Variants in ADAMTS18 observed in about 807,000 individuals in gnomAD.
ADAMTS18 encodes the protein A disintegrin and metalloproteinase with thrombospondin motifs 18.
ADAMTS18 carries 157 observed loss-of-function variants against 165.9 expected under a neutral mutation model. That is an observed-to-expected ratio of 0.95 (90% confidence interval 0.83 to 1.08). The LOEUF is 1.08. Ranked by LOEUF, ADAMTS18 falls within the 50% of genes least tolerant of loss-of-function variation. ADAMTS18 has a pLI of 0.00. For missense variants in ADAMTS18, 2,040 were observed against 1,534.0 expected (o/e 1.33, Z -5.51); for synonymous variants, 782 against 578.2 (o/e 1.35, Z -5.06).
At chr16:77,429,714 G>T (rs574722674) in intron 3 of ADAMTS18, among the ~76,000 whole-genome samples, 2 of 152,274 alleles carry the variant, frequency 1.3e-5, no homozygotes, top group African/African-American at 4.8e-5. Flanking sequence ...CAATTGATAA[G>T]ATTTCCCATC....
chr16:77,426,779 T>C (rs2057678414), intron 3 of ADAMTS18, among the ~76,000 whole-genome samples: 1 of 152,136 alleles, frequency 6.6e-6, no homozygotes, highest in South Asian at 2.1e-4. Flanking sequence ...TCCCAGCACT[T>C]TGGGAGGCTG....
At chr16:77,418,056 C>T (rs2057553062) in intron 3 of ADAMTS18, among the ~76,000 whole-genome samples, 1 of 152,168 alleles carries the variant, frequency 6.6e-6, no homozygotes, top group Admixed American at 6.5e-5. Flanking sequence ...ATTATAAATA[C>T]ATCTCTGTTT....
At chr16:77,325,825 C>T in intron 13 of ADAMTS18, 41 bp downstream of exon 13, 1 of 1,570,974 alleles carries the variant, frequency 6.4e-7, no homozygotes, top group Non-Finnish European at 8.7e-7. Flanking sequence ...ACATTATTAT[C>T]CACATAGAGA....
At chr16:77,379,458 G>A (rs900971225) in intron 3 of ADAMTS18, among the ~76,000 whole-genome samples, 2 of 152,116 alleles carry the variant, frequency 1.3e-5, no homozygotes, top group African/African-American at 4.8e-5. Context: ...GACTAGAGGT[G>A]TCACCTTATA....
Position 77,335,807 on chromosome 16 carries a change from C to T in ADAMTS18, c.1808G>A (p.Arg603Gln), listed in dbSNP as rs773401732. ...GAACTTGACTCCTCCACCACATGTC[C>T]GGGAACATTCTGACCACTTCGACCA... Reference protein sequence around the residue: ...SAWSKWSECSRTCGGGVKFQE... With the variant: ...SAWSKWSECSQTCGGGVKFQE... Residue 603 changes from arginine to glutamine, a missense_variant, in exon 12 of 23, where the codon CGG (arginine) becomes CAG (glutamine). Transcript: ENST00000282849. The T allele has an allele frequency of 2.7e-5, 43 of 1,614,062 alleles. No individual in the cohort carries two copies. The Middle Eastern group carries it at 4.9e-4, about 19-fold the overall frequency.
intron 3 of ADAMTS18, among the ~76,000 whole-genome samples, chr16:77,421,588 A>G (rs1325915733): frequency 3.3e-5 from 5 of 152,240 alleles, no homozygotes; most frequent in Admixed American, 2.6e-4. Context: ...CCCTAGGCTC[A>G]TGGAAAACAA....
rs574501397 is a variant in ADAMTS18 at position 77,306,920 on chromosome 16, G to T, written c.2533-6516C>A. Among the ~76,000 whole-genome samples the T allele has an allele frequency of 2.2e-4, 34 of 152,142 alleles. No individual in the cohort carries two copies. In the South Asian group the frequency reaches 7.1e-3, roughly 32 times the overall value. On this transcript the variant is annotated intron_variant, in intron 16 of 22. Transcript: ENST00000282849. ...CTCACATCTTCACTCTCACAACATT[G>T]CCTCTCAAGCTTTGAAACACCAAGC...
chr16:77,365,483 A>T (rs557832082), intron 4 of ADAMTS18, among the ~76,000 whole-genome samples: 1 of 152,356 alleles, frequency 6.6e-6, no homozygotes, highest in East Asian at 1.9e-4. Flanking sequence ...TGATGTGACA[A>T]TGACTTAGTT....
intron 3 of ADAMTS18, among the ~76,000 whole-genome samples, chr16:77,381,813 TA>T (rs1385130454): frequency 1.3e-5 from 2 of 151,850 alleles, no homozygotes; most frequent in East Asian, 3.9e-4. Flanking sequence ...AAAAAATAAA[TA>T]ATAAATAAAC....
chr16:77,369,979 A>T (rs1315424058), intron 3 of ADAMTS18, among the ~76,000 whole-genome samples: 2 of 152,230 alleles, frequency 1.3e-5, no homozygotes, highest in Non-Finnish European at 1.5e-5. Flanking sequence ...ATCAACAACG[A>T]AAAACATAAT....
intron 3 of ADAMTS18, among the ~76,000 whole-genome samples, chr16:77,418,658 GT>G (rs33997119): frequency 0.17 from 26,393 of 152,158 alleles, 2,648 homozygotes; most frequent in Non-Finnish European, 0.23. Flanking sequence ...ATTTTAAATA[GT>G]GAATATCTAA....
rs1290374216 is a variant in ADAMTS18, at chr16:77,373,131, C to T, written c.496-5408G>A. Among the ~76,000 whole-genome samples the T allele has an allele frequency of 3.9e-5, 6 of 152,062 alleles. No individual in the cohort carries two copies. In the East Asian group the frequency reaches 1.2e-3, roughly 29 times the overall value. On this transcript the variant is annotated intron_variant, in intron 3 of 22. Coordinates refer to ENST00000282849, the MANE Select transcript of ADAMTS18 (RefSeq NM_199355.4). ...TATCAATTCACTTGGCTTTCTGGTG[C>T]TCATTGCTGATGTCTCAATTTAAAC...
intron 3 of ADAMTS18, among the ~76,000 whole-genome samples, chr16:77,404,474 T>C (rs988874969): frequency 6.6e-6 from 1 of 152,062 alleles, no homozygotes; most frequent in Non-Finnish European, 1.5e-5. Context: ...ATGGCCATAA[T>C]AAAATTACAA....
At chr16:77,382,457 C>G (rs973698225) in intron 3 of ADAMTS18, among the ~76,000 whole-genome samples, 4 of 152,098 alleles carry the variant, frequency 2.6e-5, no homozygotes, top group African/African-American at 9.7e-5. Context: ...TGATCCGCCC[C>G]TCTCGGCCTC....
At chr16:77,392,525 T>C (rs1486828591) in intron 3 of ADAMTS18, among the ~76,000 whole-genome samples, 3 of 152,118 alleles carry the variant, frequency 2.0e-5, no homozygotes, top group Non-Finnish European at 4.4e-5. Flanking sequence ...CTCCACCCCA[T>C]CACTTCCCAT....
intron 16 of ADAMTS18, among the ~76,000 whole-genome samples, chr16:77,300,758 A>C (rs891137912): frequency 9.9e-5 from 15 of 152,164 alleles, no homozygotes; most frequent in African/African-American, 3.6e-4. Flanking sequence ...TCTAAACCCT[A>C]ACTTAAAAAC....
intron 16 of ADAMTS18, among the ~76,000 whole-genome samples, chr16:77,302,446 T>TGG (rs1399762562): frequency 6.6e-6 from 1 of 152,186 alleles, no homozygotes; most frequent in East Asian, 1.9e-4. Context: ...GCATAAGAGT[T>TGG]ACAGTGCGCT....
chr16:77,376,973 C>G (rs1377872849), intron 3 of ADAMTS18, among the ~76,000 whole-genome samples: 1 of 152,026 alleles, frequency 6.6e-6, no homozygotes, highest in Non-Finnish European at 1.5e-5. Context: ...CACCACCACT[C>G]TCGGCTAGGT....
intron 13 of ADAMTS18, among the ~76,000 whole-genome samples, chr16:77,322,749 C>T (rs926743273): frequency 6.6e-6 from 1 of 152,106 alleles, no homozygotes; most frequent in African/African-American, 2.4e-5. Context: ...ATCCAGCCTC[C>T]CTGGATAGTA....
Sources: allele counts gnomAD v4.1 joint callset (sites outside exome capture counted in the v4.1 genomes callset), GRCh38; gene constraint gnomAD v4.1.1; transcripts MANE v1.5; gene names NCBI Gene and HGNC (gene_info 2026-07-23, HGNC 2026-07-21).